Variants in PPM1B observed in about 807,000 individuals in gnomAD.
The protein encoded by PPM1B is protein phosphatase 1B.
PPM1B carries 22 observed loss-of-function variants against 43.0 expected under a neutral mutation model. The ratio of observed to expected loss-of-function variants is 0.51; its 90% CI spans 0.37 to 0.73. The LOEUF (loss-of-function observed/expected upper bound fraction) is 0.73, where lower values mean the gene tolerates loss of function less well. Among genes scored for constraint, PPM1B ranks in the 30% least tolerant of loss-of-function variants. The probability of loss-of-function intolerance (pLI) is 0.00; values close to 1 mark genes in which losing one functional copy is unlikely to be tolerated. For synonymous variants in PPM1B, 217 were observed against 197.9 expected, an observed-to-expected ratio of 1.10 and a Z score of -0.81; for missense variants, 632 against 584.2, an observed-to-expected ratio of 1.08 and a Z score of -0.84.
intron 4 of PPM1B, 79 bp from the exon 5 acceptor site, chr2:44,218,401 C>A: frequency 2.8e-6 from 3 of 1,083,574 alleles, no homozygotes; most frequent in South Asian, 1.4e-5. Flanking sequence ...TTAGTGTGGT[C>A]AGGATGAAAT....
chr2:44,239,226 G>GTA (rs1670695178), downstream of PPM1B, among the ~76,000 whole-genome samples: 1 of 147,316 alleles, frequency 6.8e-6, no homozygotes, highest in South Asian at 2.2e-4. Flanking sequence ...GCATGAAATA[G>GTA]TATATAATTT....
intron 3 of PPM1B, among the ~76,000 whole-genome samples, chr2:44,214,066 A>G (rs1298466842): frequency 6.6e-6 from 1 of 152,198 alleles, no homozygotes; most frequent in Non-Finnish European, 1.5e-5. Flanking sequence ...AACTAAAGAT[A>G]AAAACACCAA....
At chr2:44,218,727 T>A (rs1669839881) in intron 5 of PPM1B, 190 bp downstream of exon 5, 2 of 532,106 alleles carry the variant, frequency 3.8e-6, no homozygotes. Context: ...AAAATTTTGT[T>A]TTGTAGATAG....
chr2:44,205,374 T>TGTGTGTGTGTGTGTGTGG (rs1553333054), intron 2 of PPM1B, among the ~76,000 whole-genome samples: 6 of 151,354 alleles, frequency 4.0e-5, no homozygotes, highest in African/African-American at 1.2e-4. Flanking sequence ...TGTGTGTGTG[T>TGTGTGTGTGTGTGTGTGG]GTGTGTAAGT....
chr2:44,237,861 T>C (rs973281863), downstream of PPM1B, among the ~76,000 whole-genome samples: 1 of 152,238 alleles, frequency 6.6e-6, no homozygotes, highest in Admixed American at 6.5e-5. Flanking sequence ...AGAGGTGGTT[T>C]TGCTTCATTC....
chr2:44,209,109 C>A, intron 2 of PPM1B, 101 bp from the exon 3 acceptor site: 3 of 1,070,738 alleles, frequency 2.8e-6, no homozygotes, highest in Non-Finnish European at 3.9e-6. Flanking sequence ...CATAAACGTT[C>A]TGGATGATTA....
chr2:44,170,159 G>C (rs1316213876), intron 1 of PPM1B, among the ~76,000 whole-genome samples: 1 of 152,140 alleles, frequency 6.6e-6, no homozygotes, highest in African/African-American at 2.4e-5. Context: ...TGGGACGTTT[G>C]CCCATCTTAT....
intron 2 of PPM1B, among the ~76,000 whole-genome samples, chr2:44,208,565 T>C (rs1003693357): frequency 1.3e-5 from 2 of 152,036 alleles, no homozygotes; most frequent in South Asian, 2.1e-4. Context: ...ATAAAAAAAT[T>C]AGCCGGGCCT....
intron 5 of PPM1B, among the ~76,000 whole-genome samples, chr2:44,219,943 CAAAAA>C (rs200841724): frequency 1.0e-5 from 1 of 96,050 alleles, no homozygotes; most frequent in African/African-American, 3.9e-5. Context: ...AACTCCGTCT[CAAAAA>C]AAAAAAAAAA....
chr2:44,189,640 T>G (rs1046631746), intron 1 of PPM1B, among the ~76,000 whole-genome samples: 16 of 152,098 alleles, frequency 1.1e-4, no homozygotes, highest in Non-Finnish European at 1.5e-4. Context: ...ATTTTTTGTA[T>G]TTTTAGTAGA....
At position 44,231,265 on chromosome 2, in the gene PPM1B, G is replaced by A. The variant is rs560403747; in HGVS notation, c.*547G>A. The A allele has an allele frequency of 1.0e-6, 1 of 977,458 alleles. No homozygotes were observed. Among genetic ancestry groups the A allele is most frequent in the South Asian group, 4.7e-5 (1 of 21,132 alleles). The allele number at this position is 977,458 out of a possible 1,614,324, so 60.5% of individuals were successfully genotyped here. A position where few individuals can be genotyped will look rare whatever the true frequency, so the allele number is the denominator to read the frequency against. On this transcript the variant is annotated 3_prime_UTR_variant, in exon 6 of 6. Coordinates refer to ENST00000282412, the MANE Select transcript of PPM1B (RefSeq NM_002706.6). ...CTCTGTAGTTTTATTTTTAGAAGTT[G>A]TGAGATATTGGATGTGTGGCTATTT...
intron 2 of PPM1B, among the ~76,000 whole-genome samples, chr2:44,205,126 C>T (rs1349472598): frequency 2.0e-5 from 3 of 151,986 alleles, no homozygotes. Context: ...ATGATACATA[C>T]TTATTAATCC....
intron 3 of PPM1B, chr2:44,213,832 A>G (rs779472684): frequency 3.3e-5 from 5 of 152,194 alleles, no homozygotes; most frequent in Admixed American, 6.5e-5. Context: ...AGCTGTTTTT[A>G]TAGGAGTTAA....
intron 3 of PPM1B, among the ~76,000 whole-genome samples, chr2:44,210,215 A>ATTTT (rs11322876): frequency 1.5e-5 from 2 of 136,240 alleles, no homozygotes; most frequent in African/African-American, 2.8e-5. Flanking sequence ...TTGGCAATAA[A>ATTTT]TTTTTTTTTT....
intron 1 of PPM1B, among the ~76,000 whole-genome samples, chr2:44,199,231 C>T (rs951752015): frequency 2.2e-5 from 3 of 137,108 alleles, no homozygotes; most frequent in Non-Finnish European, 4.6e-5. Flanking sequence ...GCACTCCAGC[C>T]TGGGCGATAA....
At chr2:44,214,203 C>T (rs1236569513) in intron 3 of PPM1B, among the ~76,000 whole-genome samples, 1 of 152,108 alleles carries the variant, frequency 6.6e-6, no homozygotes, top group Non-Finnish European at 1.5e-5. Flanking sequence ...CCTCAGCCTC[C>T]GAAGTAGCTG....
At chr2:44,221,704 T>G (rs887480722) in intron 5 of PPM1B, among the ~76,000 whole-genome samples, 1 of 152,202 alleles carries the variant, frequency 6.6e-6, no homozygotes, top group South Asian at 2.1e-4. Flanking sequence ...AGAGAATTGT[T>G]CTGTTGTAAA....
intron 3 of PPM1B, among the ~76,000 whole-genome samples, chr2:44,216,729 C>G (rs1436289936): frequency 6.6e-6 from 1 of 151,816 alleles, no homozygotes. Context: ...AATTCAAGAC[C>G]AGCCTGGCCA....
chr2:44,234,379 C>A, downstream of PPM1B: 1 of 485,014 alleles, frequency 2.1e-6, no homozygotes, highest in Non-Finnish European at 2.7e-6. Context: ...ATTAGCTGGG[C>A]ATGGTGGTGC....
Sources: allele counts gnomAD v4.1 joint callset (sites outside exome capture counted in the v4.1 genomes callset), GRCh38; gene constraint gnomAD v4.1.1; transcripts MANE v1.5; gene names NCBI Gene and HGNC (gene_info 2026-07-23, HGNC 2026-07-21).